Variants in MYOM2 observed in about 807,000 individuals in gnomAD.
MYOM2 encodes myomesin-2.
A neutral mutation model predicts 187.6 loss-of-function variants in MYOM2; 254 were observed. The observed-to-expected ratio is 1.35, with a 90% CI of 1.22 to 1.50. The LOEUF (loss-of-function observed/expected upper bound fraction) is 1.50, where lower values mean the gene tolerates loss of function less well. Among genes scored for constraint, MYOM2 ranks in the 40% most tolerant of loss-of-function variants. The pLI is 0.00. For missense variants in MYOM2, 2,796 were observed against 1,924.0 expected, an observed-to-expected ratio of 1.45 and a Z score of -8.48; for synonymous variants, 981 against 753.8, an observed-to-expected ratio of 1.30 and a Z score of -4.94.
rs77748536 is a variant in MYOM2, at chr8:2,113,843, C to A, written c.3181-2117C>A. Among the ~76,000 whole-genome samples, 12 of 152,352 alleles carry A rather than the reference C, an allele frequency of 7.9e-5. No individual in the cohort carries two copies. In the East Asian group the frequency reaches 1.9e-3, roughly 24 times the overall value. ...CCTCCAGCTGACTTTCTCATCAGAA[C>A]CTTGTTGGACATGTGTTTGGTATTT... is the stretch of plus-strand genomic sequence containing the variant. On this transcript the variant is annotated intron_variant, in intron 25 of 36. Coordinates refer to ENST00000262113, the MANE Select transcript of MYOM2 (RefSeq NM_003970.4).
chr8:2,142,759 A>AT (rs2116926234), intron 35 of MYOM2, among the ~76,000 whole-genome samples: 1 of 94,074 alleles, frequency 1.1e-5, no homozygotes, highest in Admixed American at 1.4e-4. Flanking sequence ...CCCTCCCTTT[A>AT]TTCTTTTTTT....
intron 6 of MYOM2, among the ~76,000 whole-genome samples, chr8:2,061,701 C>G (rs1195604129): frequency 6.6e-6 from 1 of 152,206 alleles, no homozygotes; most frequent in Admixed American, 6.5e-5. Flanking sequence ...TGCAGATTCA[C>G]TAGAGTTGGG....
chr8:2,136,237 C>A (rs116011254), intron 32 of MYOM2, among the ~76,000 whole-genome samples: 20,785 of 152,156 alleles, frequency 0.14, 2,274 homozygotes, highest in African/African-American at 0.28. Flanking sequence ...TGTGCAGCTG[C>A]AGCCCAGGGA....
rs758928171 is a variant in MYOM2 at position 2,098,928 on chromosome 8, GC to G, written c.2388del (p.Ser797GlnfsTer23). 243 of 1,613,400 alleles carry G rather than the reference GC, an allele frequency of 1.5e-4. No homozygotes were observed. Among genetic ancestry groups the G allele is most frequent in the Non-Finnish European group, 2.0e-4 (236 of 1,179,828 alleles). ...CCGTCAACCTGGCCGGCATCGGGGAGCCCTCAGATCCCAGTGAGCACTTCAA... is the reference window on the plus strand; with the variant it reads ...CCGTCAACCTGGCCGGCATCGGGGAGCCTCAGATCCCAGTGAGCACTTCAA... ...AAVNLAGIGE[P>X]SDPSEHFKCE... On this transcript the variant is annotated frameshift_variant, in exon 19 of 37. Coordinates refer to ENST00000262113, the MANE Select transcript of MYOM2 (RefSeq NM_003970.4). LOFTEE classifies it high-confidence loss of function.
chr8:2,122,983 AG>A (rs765031680), intron 28 of MYOM2, among the ~76,000 whole-genome samples: 523 of 11,874 alleles, frequency 0.044, no homozygotes, highest in Non-Finnish European at 0.068. Context: ...CTTTATGCCT[AG>A]TCTAATTTCA....
rs202106832 is a variant in MYOM2 at position 2,072,357 on chromosome 8, C to A, written c.806C>A (p.Ser269Ter). Residue 269 changes from serine (S) to a stop codon, truncating the protein, a stop_gained, in exon 9 of 37, where the codon TCG becomes TAG. Coordinates refer to ENST00000262113, the MANE Select transcript of MYOM2 (RefSeq NM_003970.4). LOFTEE classifies it high-confidence loss of function. Reference sequence around the variant, plus strand: ...CGTTTCTGTGCAGTGCCCCTGTCATCGATGATTCCGTACACGCACTTCGAC... The same window carrying A: ...CGTTTCTGTGCAGTGCCCCTGTCATAGATGATTCCGTACACGCACTTCGAC... ...VGLPIGLPLS[S>*]MIPYTHFDVQ... 2 of 1,613,996 alleles carry A rather than the reference C, an allele frequency of 1.2e-6. No homozygotes were observed. Among genetic ancestry groups the A allele is most frequent in the Admixed American group, 3.3e-5 (2 of 60,010 alleles).
chr8:2,142,560 T>C (rs571573643), intron 35 of MYOM2, among the ~76,000 whole-genome samples, 163 bp downstream of exon 35: 7 of 152,210 alleles, frequency 4.6e-5, no homozygotes, highest in Admixed American at 2.0e-4. Flanking sequence ...GAGCCCCATG[T>C]CCTGCACCAC....
intron 31 of MYOM2, among the ~76,000 whole-genome samples, chr8:2,128,801 T>A (rs551896469): frequency 1.5e-4 from 23 of 152,328 alleles, no homozygotes; most frequent in Non-Finnish European, 2.9e-4. Context: ...TCACGTAGCA[T>A]TTGCCATGCA....
At position 2,123,378 on chromosome 8, in the gene MYOM2, G is replaced by C. The variant is rs1797524464; in HGVS notation, c.3567+13G>C. On this transcript the variant is annotated intron_variant, in intron 29 of 36. Transcript: ENST00000262113. ...CCTCATCCCAAAGGTATCAGGCATT[G>C]AGTAACACAAGAAAGCAAAACAAAA... 2 of 1,513,146 alleles carry C rather than the reference G, an allele frequency of 1.3e-6. No individual in the cohort carries two copies. 93.7% of individuals were successfully genotyped at this position (1,513,146 alleles called of 1,614,324 possible).
chr8:2,089,038 G>A (rs577238075), intron 14 of MYOM2, among the ~76,000 whole-genome samples: 6 of 152,016 alleles, frequency 3.9e-5, no homozygotes, highest in South Asian at 2.1e-4. Context: ...ACAAAATAGC[G>A]GCTTTTCACT....
chr8:2,050,804 A>T lies in MYOM2; in HGVS notation c.38A>T (p.His13Leu), dbSNP rs374841806. 1.6e-5 allele frequency: 26 copies of T among 1,613,534 alleles called. No homozygotes were observed. Among genetic ancestry groups the T allele is most frequent in the Non-Finnish European group, 2.1e-5 (25 of 1,179,548 alleles). Residue 13 changes from histidine (H) to leucine (L), a missense_variant, in exon 2 of 37, where the codon CAT becomes CTT. Coordinates refer to ENST00000262113, the MANE Select transcript of MYOM2 (RefSeq NM_003970.4). ...LVTVPFYQKRHRHFDQSYRNI... is the reference protein window; with the variant it reads ...LVTVPFYQKRLRHFDQSYRNI... ...ACTGTCCCCTTCTACCAGAAGAGAC[A>T]TAGGCACTTCGACCAGTCCTACCGT...
chr8:2,052,384 G>C, intron 3 of MYOM2, 71 bp downstream of exon 3: 2 of 1,472,082 alleles, frequency 1.4e-6, no homozygotes, highest in Non-Finnish European at 1.8e-6. Context: ...GTGGGGTGAG[G>C]AGGGAAGAGC....
chr8:2,100,823 G>C (rs1395185362), intron 19 of MYOM2, 53 bp from the exon 20 acceptor site: 3 of 1,591,418 alleles, frequency 1.9e-6, no homozygotes, highest in Admixed American at 3.4e-5. Context: ...TTGGGCGGTG[G>C]GTGTGCTGGA....
At chr8:2,098,759 A>C in intron 18 of MYOM2, 98 bp from the exon 19 acceptor site, 1 of 1,314,000 alleles carries the variant, frequency 7.6e-7, no homozygotes, top group Non-Finnish European at 1.0e-6. Context: ...CCTTCCTCTC[A>C]TATTTTATTT....
At chr8:2,079,298 T>G (rs1819540052) in intron 12 of MYOM2, among the ~76,000 whole-genome samples, 1 of 152,096 alleles carries the variant, frequency 6.6e-6, no homozygotes, top group South Asian at 2.1e-4. Context: ...ACAGATTCCT[T>G]AATGGGACTG....
intron 2 of MYOM2, among the ~76,000 whole-genome samples, chr8:2,051,140 T>C (rs1306907484): frequency 1.3e-5 from 2 of 151,562 alleles, no homozygotes; most frequent in Non-Finnish European, 2.9e-5. Flanking sequence ...TCGTTGATTT[T>C]ACTGCTCATC....
At chr8:2,125,964 A>G (rs562279485) in intron 31 of MYOM2, among the ~76,000 whole-genome samples, 1 of 152,216 alleles carries the variant, frequency 6.6e-6, no homozygotes, top group African/African-American at 2.4e-5. Context: ...AATTTTGATA[A>G]GAATTGCATT....
chr8:2,114,146 G>A (rs768036792), intron 25 of MYOM2, among the ~76,000 whole-genome samples: 2 of 152,214 alleles, frequency 1.3e-5, no homozygotes, highest in African/African-American at 2.4e-5. Context: ...GACAAGGATG[G>A]GCAGAAGCTG....
intron 3 of MYOM2, 140 bp from the exon 4 acceptor site, chr8:2,057,208 A>G: frequency 3.3e-6 from 3 of 901,536 alleles, no homozygotes; most frequent in Non-Finnish European, 4.8e-6. Flanking sequence ...AATGAGCAGA[A>G]GTAGCATTTC....
Sources: allele counts gnomAD v4.1 joint callset (sites outside exome capture counted in the v4.1 genomes callset), GRCh38; gene constraint gnomAD v4.1.1; transcripts MANE v1.5; gene names NCBI Gene and HGNC (gene_info 2026-07-23, HGNC 2026-07-21).